SMG6: variants seen among roughly 807,000 people sequenced by gnomAD.
SMG6 encodes the protein telomerase-binding protein EST1A.
Under a neutral mutation model 142.2 loss-of-function variants are expected in SMG6, and 66 were observed. That is an observed-to-expected ratio of 0.46 (90% confidence interval 0.38 to 0.57). The LOEUF is 0.57. Among genes scored for constraint, SMG6 ranks in the 20% least tolerant of loss-of-function variants. SMG6 has a pLI of 0.00. For missense variants in SMG6, 1,793 were observed against 1,832.0 expected (o/e 0.98, Z 0.39); for synonymous variants, 779 against 702.4 (o/e 1.11, Z -1.72).
chr17:2,133,979 A>G (rs2070207593), intron 13 of SMG6, among the ~76,000 whole-genome samples: 1 of 152,168 alleles, frequency 6.6e-6, no homozygotes, highest in South Asian at 2.1e-4. Flanking sequence ...CAAGTGGTAG[A>G]GCCCGAACAC....
At chr17:2,261,579 T>G (rs532745961) in intron 8 of SMG6, among the ~76,000 whole-genome samples, 238 of 152,336 alleles carry the variant, frequency 1.6e-3, no homozygotes, top group Non-Finnish European at 3.1e-3. Context: ...CCACCATTAT[T>G]CTAACTCTGA....
intron 8 of SMG6, among the ~76,000 whole-genome samples, chr17:2,254,830 T>C (rs1304208548): frequency 2.0e-5 from 3 of 152,084 alleles, no homozygotes; most frequent in African/African-American, 7.2e-5. Context: ...AATTATGAAG[T>C]GCCATGACTG....
chr17:2,229,113 G>A (rs2073398708), intron 10 of SMG6, among the ~76,000 whole-genome samples: 2 of 152,084 alleles, frequency 1.3e-5, no homozygotes, highest in African/African-American at 4.8e-5. Flanking sequence ...TGTATCCTAA[G>A]CCAAGAGAAA....
chr17:2,235,882 AC>A (rs900466931), intron 10 of SMG6: 2 of 151,528 alleles, frequency 1.3e-5, no homozygotes, highest in African/African-American at 2.4e-5. Flanking sequence ...CACCCACCCG[AC>A]CCCCTATGAA....
At chr17:2,135,996 A>ATGTGTGTGTGTG (rs545225787) in intron 13 of SMG6, among the ~76,000 whole-genome samples, 133 of 141,212 alleles carry the variant, frequency 9.4e-4, no homozygotes, top group Non-Finnish European at 1.2e-3. Flanking sequence ...ATATATATTT[A>ATGTGTGTGTGTG]TGTGTGTGTG....
At chr17:2,139,116 C>A (rs1432077297) in intron 13 of SMG6, among the ~76,000 whole-genome samples, 1 of 152,194 alleles carries the variant, frequency 6.6e-6, no homozygotes, top group Non-Finnish European at 1.5e-5. Flanking sequence ...AAGACAGTAA[C>A]TATACAGGTG....
chr17:2,278,683 T>G (rs1412213371), intron 8 of SMG6, among the ~76,000 whole-genome samples: 1 of 152,166 alleles, frequency 6.6e-6, no homozygotes, highest in African/African-American at 2.4e-5. Context: ...AGTACCTAAA[T>G]GACTAATGTT....
intron 8 of SMG6, among the ~76,000 whole-genome samples, chr17:2,274,940 A>T (rs1031586157): frequency 6.6e-6 from 1 of 151,850 alleles, no homozygotes; most frequent in Non-Finnish European, 1.5e-5. Context: ...CAGGCAACAT[A>T]GCAAGACCTT....
chr17:2,072,472 G>C (rs1308025779), intron 15 of SMG6, among the ~76,000 whole-genome samples: 1 of 152,174 alleles, frequency 6.6e-6, no homozygotes, highest in Non-Finnish European at 1.5e-5. Flanking sequence ...GAGTTTCCTG[G>C]AGCAAGCTGG....
intron 13 of SMG6, among the ~76,000 whole-genome samples, chr17:2,123,835 CTTTT>C (rs2069781841): frequency 6.6e-6 from 1 of 152,172 alleles, no homozygotes; most frequent in Admixed American, 6.5e-5. Flanking sequence ...ACAATTCATT[CTTTT>C]GATTTCATTC....
intron 8 of SMG6, among the ~76,000 whole-genome samples, chr17:2,271,717 AAAAAAT>A (rs559370340): frequency 2.0e-5 from 3 of 152,122 alleles, no homozygotes; most frequent in African/African-American, 4.8e-5. Context: ...TCCGTCTCAA[AAAAAAT>A]AAAAATAAAA....
intron 13 of SMG6, among the ~76,000 whole-genome samples, chr17:2,142,872 G>A (rs2070529219): frequency 2.2e-5 from 2 of 91,182 alleles, no homozygotes; most frequent in Non-Finnish European, 4.0e-5. Flanking sequence ...TGGGCAACAA[G>A]AGCAAAACAC....
chr17:2,186,509 T>C (rs948352501), intron 12 of SMG6, among the ~76,000 whole-genome samples, 154 bp downstream of exon 12: 3 of 151,852 alleles, frequency 2.0e-5, no homozygotes, highest in Non-Finnish European at 2.9e-5. Flanking sequence ...CATCAGAGGA[T>C]AGGGAAGGTA....
intron 9 of SMG6, 33 bp downstream of exon 9, chr17:2,244,625 T>C: frequency 3.2e-6 from 5 of 1,554,762 alleles, no homozygotes; most frequent in South Asian, 1.1e-5. Context: ...ACTTGTAATG[T>C]AGGAAAATAA....
chr17:2,131,281 A>G (rs2070112101), intron 13 of SMG6, among the ~76,000 whole-genome samples: 1 of 150,188 alleles, frequency 6.7e-6, no homozygotes, highest in African/African-American at 2.5e-5. Context: ...TATGGCCAAT[A>G]TTGCACACTC....
At chr17:2,137,962 T>C (rs1297862733) in intron 13 of SMG6, among the ~76,000 whole-genome samples, 1 of 152,024 alleles carries the variant, frequency 6.6e-6, no homozygotes, top group Non-Finnish European at 1.5e-5. Context: ...AGCACCACAC[T>C]AGACACTTGG....
At chr17:2,267,471 T>C (rs551722912) in intron 8 of SMG6, among the ~76,000 whole-genome samples, 19 of 152,124 alleles carry the variant, frequency 1.2e-4, no homozygotes, top group Non-Finnish European at 2.5e-4. Context: ...GTGCCGGGAT[T>C]ATACCGGCGT....
intron 8 of SMG6, among the ~76,000 whole-genome samples, chr17:2,278,686 CTAA>C (rs1406716909): frequency 6.6e-6 from 1 of 152,090 alleles, no homozygotes; most frequent in Non-Finnish European, 1.5e-5. Flanking sequence ...ACCTAAATGA[CTAA>C]TGTTTGACGT....
chr17:2,205,874 T>A (rs1374614960), intron 10 of SMG6, among the ~76,000 whole-genome samples: 1 of 152,180 alleles, frequency 6.6e-6, no homozygotes, highest in East Asian at 1.9e-4. Context: ...AGTGCCGCAA[T>A]CTCAGCTCAC....
Sources: gnomAD v4.1 joint callset for allele counts (sites outside exome capture counted in the v4.1 genomes callset) on GRCh38, gnomAD v4.1.1 for gene constraint, MANE v1.5 for transcripts, NCBI Gene and HGNC (gene_info 2026-07-23, HGNC 2026-07-21) for gene names.